ARHGEF28: variants seen among roughly 807,000 people sequenced by gnomAD.
ARHGEF28 encodes 190 kDa guanine nucleotide exchange factor.
A neutral mutation model predicts 206.6 loss-of-function variants in ARHGEF28; 152 were observed. The ratio of observed to expected loss-of-function variants is 0.74; its 90% CI spans 0.64 to 0.84. ARHGEF28 has a LOEUF of 0.84. Ranked by LOEUF, ARHGEF28 falls within the 40% of genes least tolerant of loss-of-function variation. The pLI is 0.00. For synonymous variants in ARHGEF28, 763 were observed against 776.4 expected, an observed-to-expected ratio of 0.98 and a Z score of 0.29; for missense variants, 2,028 against 2,073.2, an observed-to-expected ratio of 0.98 and a Z score of 0.42.
At chr5:73,813,484 C>T in intron 9 of ARHGEF28, 1 of 1,495,108 alleles carries the variant, frequency 6.7e-7, no homozygotes, top group Non-Finnish European at 8.9e-7. Flanking sequence ...CAATCTCATT[C>T]CTTCCCTTTA....
chr5:73,921,780 A>G (rs572385183), intron 35 of ARHGEF28, among the ~76,000 whole-genome samples: 1 of 152,332 alleles, frequency 6.6e-6, no homozygotes, highest in South Asian at 2.1e-4. Flanking sequence ...TCTCTGATGA[A>G]TTGAGGCTGT....
chr5:73,642,390 T>A (rs1363138714), intron 1 of ARHGEF28, among the ~76,000 whole-genome samples: 1 of 152,214 alleles, frequency 6.6e-6, no homozygotes, highest in Non-Finnish European at 1.5e-5. Context: ...GGTTGGTCAA[T>A]TATGACTTCT....
intron 2 of ARHGEF28, among the ~76,000 whole-genome samples, chr5:73,744,918 A>G (rs2112385602): frequency 6.6e-6 from 1 of 152,180 alleles, no homozygotes; most frequent in African/African-American, 2.4e-5. Flanking sequence ...AGCCATAAAA[A>G]ACCTTTCCTC....
chr5:73,847,446 C>G (rs1230229961), intron 12 of ARHGEF28, among the ~76,000 whole-genome samples: 1 of 152,140 alleles, frequency 6.6e-6, no homozygotes, highest in Non-Finnish European at 1.5e-5. Context: ...GTCTTTTGAG[C>G]ACAGATCCTG....
At chr5:73,668,145 C>T (rs936391947) in intron 1 of ARHGEF28, among the ~76,000 whole-genome samples, 2 of 152,160 alleles carry the variant, frequency 1.3e-5, no homozygotes, top group African/African-American at 4.8e-5. Flanking sequence ...CTTTTTCTAG[C>T]TTGCCCCTCC....
chr5:73,629,500 T>C (rs1056185743), intron 1 of ARHGEF28, among the ~76,000 whole-genome samples: 8 of 112,044 alleles, frequency 7.1e-5, no homozygotes, highest in African/African-American at 2.5e-4. Flanking sequence ...AGAAAAAGAC[T>C]CTGTCTCAAA....
intron 35 of ARHGEF28, among the ~76,000 whole-genome samples, chr5:73,935,238 A>T (rs1268383257): frequency 2.0e-5 from 3 of 152,234 alleles, no homozygotes; most frequent in Admixed American, 1.3e-4. Flanking sequence ...ACAAATTTGT[A>T]CATGTGTTAT....
chr5:73,932,037 TAA>T (rs892692125), intron 35 of ARHGEF28, among the ~76,000 whole-genome samples: 3 of 152,228 alleles, frequency 2.0e-5, no homozygotes, highest in African/African-American at 7.2e-5. Context: ...CTTTTGGTGT[TAA>T]AATGTAAAAG....
At chr5:73,678,799 A>G (rs557577075) in intron 1 of ARHGEF28, among the ~76,000 whole-genome samples, 1 of 140,796 alleles carries the variant, frequency 7.1e-6, no homozygotes, top group South Asian at 2.1e-4. Context: ...TATCAAGTTA[A>G]AAAAAAAAGG....
intron 14 of ARHGEF28, among the ~76,000 whole-genome samples, chr5:73,856,693 G>T (rs567697563): frequency 9.2e-5 from 14 of 152,038 alleles, no homozygotes; most frequent in African/African-American, 3.1e-4. Flanking sequence ...TATATATTTT[G>T]GTGTAAATCA....
chr5:73,941,024 AT>A lies in ARHGEF28; in HGVS notation c.*16del. 1 of 1,468,928 alleles carries A rather than the reference AT, an allele frequency of 6.8e-7. No homozygotes were observed. Among genetic ancestry groups the A allele is most frequent in the Admixed American group, 2.6e-5 (1 of 38,396 alleles). The allele number at this position is 1,468,928 out of a possible 1,614,324, so 91.0% of individuals were successfully genotyped here. A position where few individuals can be genotyped will look rare whatever the true frequency, so the allele number is the denominator to read the frequency against. ...ATTGTTTACCTCTAATTGTGTTGTCATTTTTCCAAACAAAACAAAACACTGG... is the reference window on the plus strand; with the variant it reads ...ATTGTTTACCTCTAATTGTGTTGTCATTTTCCAAACAAAACAAAACACTGG... On this transcript the variant is annotated 3_prime_UTR_variant, in exon 36 of 36. Coordinates refer to ENST00000513042, the MANE Select transcript of ARHGEF28 (RefSeq NM_001177693.2).
intron 35 of ARHGEF28, among the ~76,000 whole-genome samples, chr5:73,934,355 A>G (rs575697417): frequency 6.6e-6 from 1 of 151,800 alleles, no homozygotes; most frequent in Admixed American, 6.5e-5. Flanking sequence ...GTGGCACACA[A>G]TGTCTGTTTC....
At chr5:73,875,206 A>G (rs1216245317) in intron 22 of ARHGEF28, among the ~76,000 whole-genome samples, 1 of 152,102 alleles carries the variant, frequency 6.6e-6, no homozygotes, top group African/African-American at 2.4e-5. Flanking sequence ...TTTTGGCTGC[A>G]TAAATATCTT....
At chr5:73,840,408 A>T (rs761493429) in intron 10 of ARHGEF28, 72 bp from the exon 11 acceptor site, 1 of 1,499,208 alleles carries the variant, frequency 6.7e-7, no homozygotes, top group Non-Finnish European at 9.0e-7. Context: ...AAATTGGGAA[A>T]ATTTTATTAA....
intron 9 of ARHGEF28, among the ~76,000 whole-genome samples, chr5:73,810,350 A>G (rs941422590): frequency 1.3e-5 from 2 of 152,228 alleles, no homozygotes; most frequent in African/African-American, 4.8e-5. Context: ...TTTTGACATC[A>G]AGAATCACTT....
chr5:73,914,421 G>C (rs1763090013), intron 35 of ARHGEF28, among the ~76,000 whole-genome samples: 1 of 137,356 alleles, frequency 7.3e-6, no homozygotes, highest in Non-Finnish European at 1.5e-5. Flanking sequence ...TTTTGAGAAG[G>C]AGTCTCTCTT....
intron 2 of ARHGEF28, among the ~76,000 whole-genome samples, chr5:73,737,439 C>CTTCATTTCTTTTCTT: frequency 1.4e-5 from 1 of 72,500 alleles, no homozygotes; most frequent in South Asian, 6.3e-4. Flanking sequence ...AGCCCTCTTC[C>CTTCATTTCTTTTCTT]TTCTTTTCTT....
At chr5:73,840,404 G>A in intron 10 of ARHGEF28, 76 bp from the exon 11 acceptor site, 3 of 1,487,588 alleles carry the variant, frequency 2.0e-6, no homozygotes, top group East Asian at 4.5e-5. Flanking sequence ...TTTTAAATTG[G>A]GAAAATTTTA....
At chr5:73,628,083 G>A (rs1743119587) in intron 1 of ARHGEF28, among the ~76,000 whole-genome samples, 1 of 151,816 alleles carries the variant, frequency 6.6e-6, no homozygotes, top group Admixed American at 6.6e-5. Flanking sequence ...ACTTGGGTGG[G>A]TTTCATACTT....
Sources: allele counts gnomAD v4.1 joint callset (sites outside exome capture counted in the v4.1 genomes callset), GRCh38; gene constraint gnomAD v4.1.1; transcripts MANE v1.5; gene names NCBI Gene and HGNC (gene_info 2026-07-23, HGNC 2026-07-21).